The following BIRC6 variants were observed in gnomAD, a reference collection of about 807,000 sequenced individuals.
BIRC6 encodes baculoviral IAP repeat containing 6, also known as dual E2 ubiquitin-conjugating enzyme/E3 ubiquitin-protein ligase BIRC6.
In BIRC6, 98 loss-of-function variants were observed where a neutral mutation model predicts 503.3. The ratio of observed to expected loss-of-function variants is 0.19; its 90% confidence interval spans 0.17 to 0.23. The LOEUF (loss-of-function observed/expected upper bound fraction) is 0.23, where lower values mean the gene tolerates loss of function less well. BIRC6 is among the 10% of genes least tolerant of loss of function. The probability of loss-of-function intolerance (pLI) is 1.00; values close to 1 mark genes in which losing one functional copy is unlikely to be tolerated. For missense variants in BIRC6, 5,360 were observed against 5,806.0 expected, an observed-to-expected ratio of 0.92 and a Z score of 2.50; for synonymous variants, 2,240 against 2,078.7, an observed-to-expected ratio of 1.08 and a Z score of -2.11.
At chr2:32,454,985 T>A (rs962590608) in intron 23 of BIRC6, among the ~76,000 whole-genome samples, 3 of 152,230 alleles carry the variant, frequency 2.0e-5, no homozygotes, top group Non-Finnish European at 4.4e-5. Flanking sequence ...TAGAAACTTT[T>A]ACATTTACAC....
chr2:32,397,604 G>GTGTGTATATA (rs1412130234), intron 6 of BIRC6, among the ~76,000 whole-genome samples: 3 of 111,978 alleles, frequency 2.7e-5, no homozygotes, highest in African/African-American at 1.1e-4. Context: ...GTGTGTGTGT[G>GTGTGTATATA]TATATATGTG....
intron 29 of BIRC6, 87 bp from the exon 30 acceptor site, chr2:32,469,308 A>G: frequency 1.0e-6 from 1 of 956,666 alleles, no homozygotes; most frequent in African/African-American, 1.7e-5. Flanking sequence ...ATTACTAGAA[A>G]AGAGGAAAGT....
At chr2:32,564,438 A>G (rs1324843440) in intron 65 of BIRC6, 2 of 152,184 alleles carry the variant, frequency 1.3e-5, no homozygotes, top group Non-Finnish European at 2.9e-5. Flanking sequence ...TAGCATACAA[A>G]TATCTATTGG....
intron 53 of BIRC6, among the ~76,000 whole-genome samples, chr2:32,511,357 T>C (rs2054412534): frequency 6.6e-6 from 1 of 151,688 alleles, no homozygotes; most frequent in Non-Finnish European, 1.5e-5. Flanking sequence ...TTGCCCAGGC[T>C]GGAGCGCAGT....
chr2:32,473,706 CGT>C (rs70938348), intron 33 of BIRC6, among the ~76,000 whole-genome samples: 19,331 of 72,528 alleles, frequency 0.27, 1,753 homozygotes, highest in Admixed American at 0.29. Flanking sequence ...TCTCCTTTTT[CGT>C]GTGTGTGTGT....
chr2:32,599,275 G>A (rs552436678), intron 69 of BIRC6, among the ~76,000 whole-genome samples: 1 of 148,520 alleles, frequency 6.7e-6, no homozygotes, highest in East Asian at 2.0e-4. Context: ...GTTGCAATGA[G>A]CCGAGATCAC....
At position 32,416,067 on chromosome 2, in the gene BIRC6, G is replaced by A. The variant is rs542775800; in HGVS notation, c.2776G>A (p.Val926Met). The A allele has an allele frequency of 3.1e-6, 5 of 1,613,824 alleles. No homozygotes were observed. The East Asian group carries it at 6.7e-5, about 22-fold the overall frequency. ...DLSNFEILAK[V>M]EPPKKEGTEE... ...TTCAAACTTTGAAATTTTGGCCAAAGTGGAGCCTCCCAAAAAGGAGGGCAC... is the reference window on the plus strand; with the variant it reads ...TTCAAACTTTGAAATTTTGGCCAAAATGGAGCCTCCCAAAAAGGAGGGCAC... The change falls in exon 10 of 74, where the codon GTG becomes ATG. Residue 926 changes from valine (V) to methionine (M), a missense_variant. Physicochemically the swap from Val to Met is conservative, Grantham distance 21. Coordinates refer to ENST00000421745, the MANE Select transcript of BIRC6 (RefSeq NM_016252.4).
rs760580911 is a variant in BIRC6, at chr2:32,507,940, A to G, written c.9701-40A>G. ...TTTAATAAACTGTTCAATCTAGTAT[A>G]CTTTGTCTTTTGTGATGATTCAGTT... On this transcript the variant is annotated intron_variant, in intron 50 of 73. Coordinates refer to ENST00000421745, the MANE Select transcript of BIRC6 (RefSeq NM_016252.4). 8 of 1,580,770 alleles carry G rather than the reference A, an allele frequency of 5.1e-6. No homozygotes were observed. In the African/African-American group the frequency reaches 1.1e-4, roughly 21 times the overall value.
intron 9 of BIRC6, among the ~76,000 whole-genome samples, chr2:32,410,426 GTATTTAAA>G (rs2041736985): frequency 1.3e-5 from 2 of 152,180 alleles, no homozygotes; most frequent in Non-Finnish European, 2.9e-5. Context: ...AGCCAAATGA[GTATTTAAA>G]TAAGTGAACA....
At chr2:32,402,992 TG>T (rs1449707330) in intron 8 of BIRC6, among the ~76,000 whole-genome samples, 25 of 152,326 alleles carry the variant, frequency 1.6e-4, no homozygotes, top group African/African-American at 5.8e-4. Context: ...CAACATTATA[TG>T]GGGTAATGTG....
intron 66 of BIRC6, among the ~76,000 whole-genome samples, chr2:32,580,816 A>C (rs999633342): frequency 6.6e-6 from 1 of 152,152 alleles, no homozygotes; most frequent in African/African-American, 2.4e-5. Context: ...TCTTGCTCTC[A>C]TATTATGGAC....
chr2:32,601,059 G>A (rs1329677462), intron 70 of BIRC6, among the ~76,000 whole-genome samples: 1 of 152,156 alleles, frequency 6.6e-6, no homozygotes, highest in Non-Finnish European at 1.5e-5. Flanking sequence ...TTTGTTTTGG[G>A]CTGCATTCAA....
At chr2:32,509,698 G>A (rs1336082007) in intron 51 of BIRC6, 40 bp from the exon 52 acceptor site, 25 of 1,608,322 alleles carry the variant, frequency 1.6e-5, no homozygotes, top group South Asian at 3.3e-5. Context: ...AGTGATTTGA[G>A]CGACTTATAT....
At chr2:32,374,707 T>A (rs1013651211) in intron 1 of BIRC6, among the ~76,000 whole-genome samples, 1 of 151,782 alleles carries the variant, frequency 6.6e-6, no homozygotes, top group East Asian at 1.9e-4. Flanking sequence ...CTCCTGACCT[T>A]GTGATCCACC....
At chr2:32,569,413 G>T (rs2059771190) in intron 65 of BIRC6, among the ~76,000 whole-genome samples, 1 of 152,082 alleles carries the variant, frequency 6.6e-6, no homozygotes, top group African/African-American at 2.4e-5. Context: ...CCGTCGCCCA[G>T]GCTAGAGTAC....
intron 43 of BIRC6, among the ~76,000 whole-genome samples, chr2:32,490,415 G>C (rs934491268): frequency 6.6e-6 from 1 of 152,146 alleles, no homozygotes; most frequent in Non-Finnish European, 1.5e-5. Flanking sequence ...GGCGCCTGTA[G>C]TCCCAGCTAC....
At chr2:32,563,903 C>A (rs1424935813) in intron 65 of BIRC6, 1 of 152,074 alleles carries the variant, frequency 6.6e-6, no homozygotes, top group Non-Finnish European at 1.5e-5. Flanking sequence ...ACATGGTGAA[C>A]CTTGTCTCTA....
At chr2:32,511,531 C>T (rs1345934086) in intron 53 of BIRC6, among the ~76,000 whole-genome samples, 2 of 138,130 alleles carry the variant, frequency 1.4e-5, no homozygotes, top group East Asian at 2.1e-4. Flanking sequence ...GGGGCTTTAC[C>T]GTGTTAGTCA....
At chr2:32,457,323 A>G (rs746790254) in intron 23 of BIRC6, among the ~76,000 whole-genome samples, 39 of 152,158 alleles carry the variant, frequency 2.6e-4, no homozygotes, top group Non-Finnish European at 4.4e-4. Context: ...GATTAGTGAT[A>G]TATTCCTGTT....
Sources: allele counts gnomAD v4.1 joint callset (sites outside exome capture counted in the v4.1 genomes callset), GRCh38; gene constraint gnomAD v4.1.1; transcripts MANE v1.5; gene names NCBI Gene and HGNC (gene_info 2026-07-23, HGNC 2026-07-21).